Variants in KCNC1 observed in about 807,000 individuals in gnomAD.
KCNC1 encodes voltage-gated potassium channel KCNC1.
KCNC1 carries 8 observed loss-of-function variants against 43.4 expected under a neutral mutation model. The observed-to-expected ratio is 0.18, with a 90% CI of 0.11 to 0.33. KCNC1 has a LOEUF of 0.33. Among genes scored for constraint, KCNC1 ranks in the 10% least tolerant of loss-of-function variants. The pLI is 1.00. For missense variants in KCNC1, 420 were observed against 836.0 expected (o/e 0.50, Z 6.14); for synonymous variants, 361 against 360.5 (o/e 1.00, Z -0.01).
chr11:17,750,969 G>A (rs1223096550), intron 1 of KCNC1, among the ~76,000 whole-genome samples: 2 of 152,216 alleles, frequency 1.3e-5, no homozygotes, highest in Non-Finnish European at 2.9e-5. Context: ...GGTCAGGTTA[G>A]GCAATAGTAG....
At chr11:17,746,659 G>A (rs1848903039) in intron 1 of KCNC1, among the ~76,000 whole-genome samples, 1 of 152,112 alleles carries the variant, frequency 6.6e-6, no homozygotes, top group African/African-American at 2.4e-5. Flanking sequence ...GATGGTTTCT[G>A]TCCCAAATCC....
intron 1 of KCNC1, among the ~76,000 whole-genome samples, chr11:17,747,227 C>T (rs144188280): frequency 6.1e-4 from 93 of 152,292 alleles, no homozygotes; most frequent in African/African-American, 2.2e-3. Flanking sequence ...CTCCTGAGCT[C>T]CCTGTGTGTC....
chr11:17,738,514 T>TCCCC (rs1848797023), intron 1 of KCNC1, among the ~76,000 whole-genome samples: 1 of 151,926 alleles, frequency 6.6e-6, no homozygotes, highest in Admixed American at 6.6e-5. Flanking sequence ...AGAGGCTGAG[T>TCCCC]CCCCCAGCCC....
At chr11:17,751,412 G>A (rs972259835) in intron 1 of KCNC1, among the ~76,000 whole-genome samples, 3 of 152,242 alleles carry the variant, frequency 2.0e-5, no homozygotes, top group African/African-American at 2.4e-5. Context: ...TGGCTGAGAA[G>A]GATGGATGGA....
intron 1 of KCNC1, among the ~76,000 whole-genome samples, chr11:17,768,074 G>T (rs1442084003): frequency 2.0e-5 from 3 of 152,198 alleles, no homozygotes; most frequent in African/African-American, 7.2e-5. Context: ...GGCTGTTCCT[G>T]TGAGCCTCCC....
At chr11:17,741,030 C>G (rs1270531120) in intron 1 of KCNC1, among the ~76,000 whole-genome samples, 1 of 151,952 alleles carries the variant, frequency 6.6e-6, no homozygotes, top group Non-Finnish European at 1.5e-5. Flanking sequence ...GCCTCGGAGC[C>G]CACTCCCCCA....
intron 1 of KCNC1, among the ~76,000 whole-genome samples, chr11:17,746,541 C>T (rs1237801012): frequency 6.6e-6 from 1 of 152,134 alleles, no homozygotes; most frequent in Non-Finnish European, 1.5e-5. Flanking sequence ...CCACCTCCTT[C>T]CCTTCCCTGT....
chr11:17,754,994 G>C (rs1348877248), intron 1 of KCNC1, among the ~76,000 whole-genome samples: 2 of 152,146 alleles, frequency 1.3e-5, no homozygotes, highest in East Asian at 3.8e-4. Flanking sequence ...TGTGCTGGGG[G>C]GAACAGCAGA....
chr11:17,754,537 G>C (rs1035195981), intron 1 of KCNC1, among the ~76,000 whole-genome samples: 1 of 152,198 alleles, frequency 6.6e-6, no homozygotes, highest in Non-Finnish European at 1.5e-5. Flanking sequence ...GTAAACCATT[G>C]TGCCCATTAT....
At chr11:17,738,214 C>T (rs2133776168) in intron 1 of KCNC1, among the ~76,000 whole-genome samples, 1 of 152,266 alleles carries the variant, frequency 6.6e-6, no homozygotes, top group East Asian at 1.9e-4. Context: ...CCAGCTCCTG[C>T]CTTTCCCCAG....
At chr11:17,766,050 T>G (rs903394144) in intron 1 of KCNC1, among the ~76,000 whole-genome samples, 2 of 152,188 alleles carry the variant, frequency 1.3e-5, no homozygotes, top group Non-Finnish European at 2.9e-5. Context: ...CTGAGTCAGT[T>G]ACACCTGGGG....
intron 1 of KCNC1, among the ~76,000 whole-genome samples, chr11:17,762,252 C>T (rs923669591): frequency 2.0e-5 from 3 of 152,176 alleles, no homozygotes; most frequent in Non-Finnish European, 4.4e-5. Flanking sequence ...TGTTTTGTGC[C>T]TCAAACTCCC....
rs1208081220 is a variant in KCNC1 at position 17,739,180 on chromosome 11, C to G, written c.570+2608C>G. On this transcript the variant is annotated intron_variant, in intron 1 of 3. Coordinates refer to ENST00000265969, the MANE Select transcript of KCNC1 (RefSeq NM_001112741.2). This position sits in a 1 kb window ranked among gnomAD's most constrained non-coding sequence, Gnocchi z 4.2. The stretch of plus-strand genomic sequence containing the variant: ...CCCTCCCCCACACGGGGCCCCGAGA[C>G]TCCTCACACCAGCGGGTCGGGACTT... Among the ~76,000 whole-genome samples the G allele has an allele frequency of 6.6e-6, 1 of 152,186 alleles. No individual in the cohort carries two copies. The highest frequency in any genetic ancestry group is 1.5e-5 in the Non-Finnish European group (1 of 68,042).
Position 17,773,878 on chromosome 11 carries a change from C to T in KCNC1, c.1504+1280C>T, listed in dbSNP as rs922249291. 4.1e-6 allele frequency: 4 copies of T among 985,348 alleles called. No homozygotes were observed. In the African/African-American group the frequency reaches 7.0e-5, roughly 17 times the overall value. The allele number at this position is 985,348 out of a possible 1,614,324, so 61.0% of individuals were successfully genotyped here. A position where few individuals can be genotyped will look rare whatever the true frequency, so the allele number is the denominator to read the frequency against. ...AGGTGGCATTTAGTCTATGAAGGAC[C>T]TCCCCATGCCCAGGTCTGGCAGGAG... On this transcript the variant is annotated intron_variant, in intron 2 of 3. Coordinates refer to ENST00000265969, the MANE Select transcript of KCNC1 (RefSeq NM_001112741.2). This position sits in a 1 kb window ranked among gnomAD's most constrained non-coding sequence, Gnocchi z 4.1.
At chr11:17,748,345 T>G (rs1029085454) in intron 1 of KCNC1, among the ~76,000 whole-genome samples, 6 of 152,030 alleles carry the variant, frequency 3.9e-5, no homozygotes, top group Non-Finnish European at 8.8e-5. Context: ...GAGGCATATC[T>G]GGGGCTGGGC....
intron 1 of KCNC1, among the ~76,000 whole-genome samples, chr11:17,737,316 G>A (rs1049223911): frequency 1.3e-5 from 2 of 152,150 alleles, no homozygotes; most frequent in Non-Finnish European, 2.9e-5. Flanking sequence ...CTGGGCTTAT[G>A]CCAGTGCTTC....
Position 17,781,155 on chromosome 11 carries a change from C to G in KCNC1, c.1694-515C>G, listed in dbSNP as rs1849340947. On this transcript the variant is annotated intron_variant, in intron 3 of 3. Transcript: ENST00000265969. The surrounding 1 kb of genome is among the most constrained non-coding windows in gnomAD (Gnocchi z 5.1). ...GATTGGTGTGGCCCCAAAGAGCAGA[C>G]AAGACAGTCTCTTTACTGTGGTGCC... is the stretch of plus-strand genomic sequence containing the variant. 1 of 152,688 alleles carries G rather than the reference C, an allele frequency of 6.5e-6. No homozygotes were observed. The highest frequency in any genetic ancestry group is 6.5e-5 in the Admixed American group (1 of 15,306). The allele number at this position is 152,688 out of a possible 1,614,324, so 9.5% of individuals were successfully genotyped here. A position where few individuals can be genotyped will look rare whatever the true frequency, so the allele number is the denominator to read the frequency against.
intron 2 of KCNC1, chr11:17,775,858 C>T: frequency 1.0e-6 from 1 of 985,532 alleles, no homozygotes; most frequent in Non-Finnish European, 1.2e-6. Flanking sequence ...GCCTGGGCTC[C>T]CTGGGAGCTA....
chr11:17,751,447 C>G (rs910203968), intron 1 of KCNC1, among the ~76,000 whole-genome samples: 2 of 152,182 alleles, frequency 1.3e-5, no homozygotes. Flanking sequence ...CTTCTCCTTG[C>G]GTGCCTTCAA....
Sources: allele counts gnomAD v4.1 joint callset (sites outside exome capture counted in the v4.1 genomes callset), GRCh38; gene constraint gnomAD v4.1.1; non-coding constraint Gnocchi (gnomAD v3.1); transcripts MANE v1.5; gene names NCBI Gene and HGNC (gene_info 2026-07-23, HGNC 2026-07-21).